The following MLXIP variants were observed in gnomAD, a reference collection of about 807,000 sequenced individuals.
MLXIP encodes MLX-interacting protein.
MLXIP carries 30 observed loss-of-function variants against 87.2 expected under a neutral mutation model. The observed-to-expected ratio is 0.34, with a 90% CI of 0.26 to 0.47. The LOEUF is 0.47. Ranked by LOEUF, MLXIP falls within the 20% of genes least tolerant of loss-of-function variation. The pLI, the probability that MLXIP is intolerant of heterozygous loss-of-function variation, is 1.00. For synonymous variants in MLXIP, 530 were observed against 514.0 expected, an observed-to-expected ratio of 1.03 and a Z score of -0.42; for missense variants, 1,002 against 1,240.1, an observed-to-expected ratio of 0.81 and a Z score of 2.88.
At chr12:122,139,621 C>T (rs1321767405) in intron 15 of MLXIP, among the ~76,000 whole-genome samples, 1 of 152,184 alleles carries the variant, frequency 6.6e-6, no homozygotes, top group Non-Finnish European at 1.5e-5. Flanking sequence ...AGCTATCGGG[C>T]AGGGCAGGGC....
At chr12:122,090,422 G>A (rs1028247408) in intron 1 of MLXIP, among the ~76,000 whole-genome samples, 5 of 152,030 alleles carry the variant, frequency 3.3e-5, no homozygotes, top group African/African-American at 7.2e-5. Context: ...TCTTGAAACC[G>A]AGAGGCAGAG....
At chr12:122,128,098 T>G in intron 3 of MLXIP, 130 bp downstream of exon 3, 1 of 775,026 alleles carries the variant, frequency 1.3e-6, no homozygotes, top group Non-Finnish European at 2.1e-6. Flanking sequence ...GCGCCATCCA[T>G]GCCCTGGGGG....
rs1239960568 is a variant in MLXIP, at chr12:122,145,507, A to G, written c.*3695A>G. 1 of 152,264 alleles carries G rather than the reference A, an allele frequency of 6.6e-6. No homozygotes were observed. Among genetic ancestry groups the G allele is most frequent in the Non-Finnish European group, 1.5e-5 (1 of 68,128 alleles). The allele number at this position is 152,264 out of a possible 1,614,324, so 9.4% of individuals were successfully genotyped here. A position where few individuals can be genotyped will look rare whatever the true frequency, so the allele number is the denominator to read the frequency against. On this transcript the variant is annotated 3_prime_UTR_variant, in exon 17 of 17. Coordinates refer to ENST00000319080, the MANE Select transcript of MLXIP (RefSeq NM_014938.6). ...CTGACGTTGGGGGGCTTACACACCC[A>G]CCTCATCTCCGTGCACAGCCATGAC...
At chr12:122,097,372 G>A (rs1952370054) in intron 1 of MLXIP, among the ~76,000 whole-genome samples, 1 of 152,142 alleles carries the variant, frequency 6.6e-6, no homozygotes. Context: ...TGTAATCACA[G>A]CACTTTGGGA....
intron 9 of MLXIP, chr12:122,134,292 T>C (rs1029488560): frequency 1.3e-5 from 5 of 392,088 alleles, no homozygotes; most frequent in Non-Finnish European, 2.3e-5. Flanking sequence ...CCTCCCGGGT[T>C]CAAGCGATTC....
chr12:122,139,303 G>A (rs1182865469), intron 15 of MLXIP, among the ~76,000 whole-genome samples: 2 of 152,180 alleles, frequency 1.3e-5, no homozygotes, highest in Admixed American at 1.3e-4. Context: ...CCACAGGGAG[G>A]GTGAGTGCCA....
At chr12:122,093,690 T>G in intron 1 of MLXIP, among the ~76,000 whole-genome samples, 9 of 89,794 alleles carry the variant, frequency 1.0e-4, no homozygotes, top group East Asian at 3.7e-4. Context: ...TGTGCGGTGT[T>G]GGTGTGTGGG....
rs141976668 is a variant in MLXIP, at chr12:122,100,070, T to C, written c.413+20804T>C. 7.3e-3 allele frequency among the ~76,000 whole-genome samples: 1,110 copies of C among 152,240 alleles called. 2 individuals are homozygous for C. The highest frequency in any genetic ancestry group is 0.013 in the Non-Finnish European group (862 of 68,002). ...CAGCCAAGTTCAAGTGTTTTTTTTTTCTCAAAGATGGAGCTGCAGTGCAGG... is the reference window on the plus strand; with the variant it reads ...CAGCCAAGTTCAAGTGTTTTTTTTTCCTCAAAGATGGAGCTGCAGTGCAGG... On this transcript the variant is annotated intron_variant, in intron 1 of 16. Transcript: ENST00000319080.
intron 1 of MLXIP, among the ~76,000 whole-genome samples, chr12:122,124,985 G>C (rs1294155228): frequency 6.6e-6 from 1 of 152,160 alleles, no homozygotes; most frequent in Non-Finnish European, 1.5e-5. Flanking sequence ...TGACCAACAT[G>C]ATGAAATCCC....
chr12:122,130,152 G>T, intron 6 of MLXIP, 40 bp downstream of exon 6: 2 of 1,577,624 alleles, frequency 1.3e-6, no homozygotes, highest in Non-Finnish European at 1.7e-6. Context: ...ACAGCCAGCC[G>T]CTTCCTTCTC....
At chr12:122,098,215 G>A (rs1246229550) in intron 1 of MLXIP, among the ~76,000 whole-genome samples, 6 of 152,192 alleles carry the variant, frequency 3.9e-5, no homozygotes, top group Non-Finnish European at 8.8e-5. Flanking sequence ...AGCAGGGCAG[G>A]GTGTGGTGTG....
rs1952894947 is a variant in MLXIP, at chr12:122,127,188, G to A, written c.414-68G>A. The A allele has an allele frequency of 3.2e-6, 4 of 1,232,910 alleles. No individual in the cohort carries two copies. In the Admixed American group the frequency reaches 7.7e-5, roughly 24 times the overall value. 76.4% of individuals were successfully genotyped at this position (1,232,910 alleles called of 1,614,324 possible). ...GAGTTTGGTCCTGGAATGATCGGGT[G>A]GCACTTTGTAATTTCACTTCAATTT... is the stretch of plus-strand genomic sequence containing the variant. On this transcript the variant is annotated intron_variant, in intron 1 of 16. Coordinates refer to ENST00000319080, the MANE Select transcript of MLXIP (RefSeq NM_014938.6).
intron 1 of MLXIP, among the ~76,000 whole-genome samples, chr12:122,101,466 T>C (rs773373029): frequency 6.6e-6 from 1 of 151,338 alleles, no homozygotes; most frequent in Non-Finnish European, 1.5e-5. Context: ...TTTCTTTTCA[T>C]GCTTTTTGTG....
chr12:122,140,022 C>T (rs532980643), intron 15 of MLXIP, among the ~76,000 whole-genome samples: 10 of 152,288 alleles, frequency 6.6e-5, no homozygotes, highest in African/African-American at 1.9e-4. Context: ...AGCTCTGATT[C>T]CTCTGTGTTG....
At position 122,141,935 on chromosome 12, in the gene MLXIP, C is replaced by G. The variant is rs1593123998; in HGVS notation, c.*123C>G. 2 of 1,442,560 alleles carry G rather than the reference C, an allele frequency of 1.4e-6. No individual in the cohort carries two copies. Among genetic ancestry groups the G allele is most frequent in the Non-Finnish European group, 1.9e-6 (2 of 1,072,338 alleles). The allele number at this position is 1,442,560 out of a possible 1,614,324, so 89.4% of individuals were successfully genotyped here. A position where few individuals can be genotyped will look rare whatever the true frequency, so the allele number is the denominator to read the frequency against. On this transcript the variant is annotated 3_prime_UTR_variant, in exon 17 of 17. Coordinates refer to ENST00000319080, the MANE Select transcript of MLXIP (RefSeq NM_014938.6). ...CGGGGCCTCTCTCCAACTCTGCCGGCCCACCGTGGCATCGGGAGGCCATGC... is the reference window on the plus strand; with the variant it reads ...CGGGGCCTCTCTCCAACTCTGCCGGGCCACCGTGGCATCGGGAGGCCATGC...
At chr12:122,126,573 C>T (rs943515803) in intron 1 of MLXIP, among the ~76,000 whole-genome samples, 13 of 152,050 alleles carry the variant, frequency 8.5e-5, no homozygotes, top group African/African-American at 3.1e-4. Flanking sequence ...GTGGGATGCT[C>T]GGGTACTTGG....
intron 1 of MLXIP, among the ~76,000 whole-genome samples, chr12:122,117,774 A>G (rs1249836145): frequency 6.6e-6 from 1 of 152,192 alleles, no homozygotes; most frequent in Non-Finnish European, 1.5e-5. Context: ...CCCTGTATAC[A>G]GTACATTTTT....
Position 122,130,791 on chromosome 12 carries a change from C to T in MLXIP, c.911-53C>T, listed in dbSNP as rs1309723756. On this transcript the variant is annotated intron_variant, in intron 6 of 16. Transcript: ENST00000319080. ...TCTGTTCCAGGCCTTTTTTACGTTC[C>T]TGCAACATTGTCTGAGAAGACAAAA... 14 of 1,328,890 alleles carry T rather than the reference C, an allele frequency of 1.1e-5. No individual in the cohort carries two copies. In the Middle Eastern group the frequency reaches 5.4e-4, roughly 51 times the overall value. The allele number at this position is 1,328,890 out of a possible 1,614,324, so 82.3% of individuals were successfully genotyped here.
intron 1 of MLXIP, among the ~76,000 whole-genome samples, chr12:122,102,899 G>A (rs1952457289): frequency 1.3e-5 from 2 of 152,238 alleles, no homozygotes; most frequent in South Asian, 4.1e-4. Flanking sequence ...ATCAATAGTT[G>A]TTTAGGGTCG....
Sources: allele counts gnomAD v4.1 joint callset (sites outside exome capture counted in the v4.1 genomes callset), GRCh38; gene constraint gnomAD v4.1.1; transcripts MANE v1.5; gene names NCBI Gene and HGNC (gene_info 2026-07-23, HGNC 2026-07-21).